Variants in PKP4 observed in about 807,000 individuals in gnomAD.
The protein encoded by PKP4 is plakophilin 4.
PKP4 carries 90 observed loss-of-function variants against 145.1 expected under a neutral mutation model. The ratio of observed to expected loss-of-function variants is 0.62; its 90% CI spans 0.52 to 0.74. PKP4 has a LOEUF of 0.74. PKP4 is among the 30% of genes least tolerant of loss of function. The pLI is 0.00. For synonymous variants in PKP4, 563 were observed against 577.2 expected, an observed-to-expected ratio of 0.98 and a Z score of 0.35; for missense variants, 1,340 against 1,482.7, an observed-to-expected ratio of 0.90 and a Z score of 1.58.
chr2:158,572,138 TAAG>T (rs1436703032), intron 2 of PKP4, among the ~76,000 whole-genome samples: 3 of 151,674 alleles, frequency 2.0e-5, no homozygotes, highest in African/African-American at 7.3e-5. Flanking sequence ...AAAGAACTAA[TAAG>T]AAGTCTCAGA....
At chr2:158,668,168 C>CTTTTT (rs779923239) in intron 16 of PKP4, among the ~76,000 whole-genome samples, 28 of 135,928 alleles carry the variant, frequency 2.1e-4, no homozygotes, top group African/African-American at 7.3e-4. Flanking sequence ...CAGTGATGAG[C>CTTTTT]TTTTTTTTTT....
intron 2 of PKP4, among the ~76,000 whole-genome samples, chr2:158,563,002 C>A (rs984439025): frequency 1.3e-5 from 2 of 152,110 alleles, no homozygotes; most frequent in Non-Finnish European, 2.9e-5. Flanking sequence ...CAAAAAGCAT[C>A]TTTCTAAAGA....
chr2:158,580,954 C>A (rs1046622740), intron 3 of PKP4, among the ~76,000 whole-genome samples: 6 of 152,216 alleles, frequency 3.9e-5, no homozygotes, highest in Admixed American at 2.0e-4. Flanking sequence ...CCCCATGGCC[C>A]TGGCACAGAG....
chr2:158,668,000 G>T (rs142652179), intron 16 of PKP4, among the ~76,000 whole-genome samples: 90 of 152,230 alleles, frequency 5.9e-4, no homozygotes, highest in African/African-American at 2.1e-3. Flanking sequence ...ATTTCACAAC[G>T]CAAAGACACA....
At position 158,678,351 on chromosome 2, in the gene PKP4, A is replaced by G. The variant is rs2356505; in HGVS notation, c.3257-230A>G. On this transcript the variant is annotated intron_variant, in intron 20 of 21. Coordinates refer to ENST00000389759, the MANE Select transcript of PKP4 (RefSeq NM_003628.6). ...GGCATTGCTTTTTGGGGAAACACAC[A>G]CAGCCTGTTTCTGCCATAGTTTTGC... Among the ~76,000 whole-genome samples, 109,075 of 152,166 alleles carry G rather than the reference A, an allele frequency of 0.72. 39,691 individuals are homozygous for G. Among genetic ancestry groups the G allele is most frequent in the South Asian group, 0.84 (4,058 of 4,824 alleles).
At chr2:158,503,434 G>C (rs1696874560) in intron 1 of PKP4, among the ~76,000 whole-genome samples, 1 of 152,170 alleles carries the variant, frequency 6.6e-6, no homozygotes, top group Admixed American at 6.5e-5. Context: ...CTCAAAGCAA[G>C]TCTCATGAAT....
intron 17 of PKP4, among the ~76,000 whole-genome samples, chr2:158,672,729 G>A (rs1026859494): frequency 1.3e-5 from 2 of 152,218 alleles, no homozygotes; most frequent in African/African-American, 4.8e-5. Context: ...ACCTGGCTCT[G>A]CTCACCTAAA....
intron 11 of PKP4, among the ~76,000 whole-genome samples, chr2:158,643,724 A>AAGG (rs775148873): frequency 2.2e-5 from 1 of 44,628 alleles, no homozygotes; most frequent in Non-Finnish European, 6.1e-5. Context: ...AAAAAAAAAA[A>AAGG]AAAAGAAAAG....
At chr2:158,516,531 A>G (rs2041952155) in intron 1 of PKP4, among the ~76,000 whole-genome samples, 1 of 152,238 alleles carries the variant, frequency 6.6e-6, no homozygotes, top group Non-Finnish European at 1.5e-5. Flanking sequence ...GATTGGCCGA[A>G]CAGCCCCGTG....
chr2:158,522,869 CG>C (rs2042529721), intron 1 of PKP4, among the ~76,000 whole-genome samples: 1 of 152,184 alleles, frequency 6.6e-6, no homozygotes, highest in Non-Finnish European at 1.5e-5. Flanking sequence ...AAAGGGGTGA[CG>C]GACGCACCTG....
intron 3 of PKP4, among the ~76,000 whole-genome samples, chr2:158,578,887 C>T (rs1239305295): frequency 1.3e-5 from 2 of 152,090 alleles, no homozygotes; most frequent in African/African-American, 2.4e-5. Flanking sequence ...AAAACCAGAG[C>T]CAGAAGCTTG....
intron 1 of PKP4, among the ~76,000 whole-genome samples, chr2:158,523,311 G>A (rs2042601563): frequency 7.6e-6 from 1 of 130,824 alleles, no homozygotes; most frequent in African/African-American, 3.0e-5. Flanking sequence ...CTCCTCAAGT[G>A]GGTCCCTGAC....
intron 6 of PKP4, among the ~76,000 whole-genome samples, chr2:158,622,131 A>G (rs1358833688): frequency 6.6e-6 from 1 of 152,206 alleles, no homozygotes; most frequent in Non-Finnish European, 1.5e-5. Context: ...CCACACCTGC[A>G]TAAAATGGGA....
Position 158,625,389 on chromosome 2 carries a change from A to T in PKP4, c.1115A>T (p.Tyr372Phe). Residue 372 changes from tyrosine (Y) to phenylalanine (F), a missense_variant, in exon 7 of 22, where the codon TAT (tyrosine) becomes TTT (phenylalanine). By Grantham distance (22) the Tyr-to-Phe change is conservative (BLOSUM62 3). Coordinates refer to ENST00000389759, the MANE Select transcript of PKP4 (RefSeq NM_003628.6). ...TTCGGACAGCAGCAGTATGACATTTATGAGAGGATGGTTCCACCCAGGCCA... is the reference window on the plus strand; with the variant it reads ...TTCGGACAGCAGCAGTATGACATTTTTGAGAGGATGGTTCCACCCAGGCCA... ...EQFGQQQYDI[Y>F]ERMVPPRPDS... 1 of 1,614,046 alleles carries T rather than the reference A, an allele frequency of 6.2e-7. No individual in the cohort carries two copies. Among genetic ancestry groups the T allele is most frequent in the Non-Finnish European group, 8.5e-7 (1 of 1,179,920 alleles).
intron 1 of PKP4, among the ~76,000 whole-genome samples, chr2:158,499,603 A>G (rs749750522): frequency 6.6e-6 from 1 of 152,166 alleles, no homozygotes. Context: ...GGAGGAACAC[A>G]TATTTGTGTG....
At chr2:158,623,639 A>G (rs1172139091) in intron 6 of PKP4, among the ~76,000 whole-genome samples, 2 of 152,134 alleles carry the variant, frequency 1.3e-5, no homozygotes, top group Non-Finnish European at 2.9e-5. Context: ...TCTCACTGCA[A>G]GTGTTTCAGC....
chr2:158,679,786 T>C (rs982053327), intron 21 of PKP4, among the ~76,000 whole-genome samples: 6 of 152,204 alleles, frequency 3.9e-5, no homozygotes, highest in African/African-American at 1.4e-4. Flanking sequence ...TCTAGAACCA[T>C]ATTTGCTCAC....
At chr2:158,474,821 C>T (rs144571613) in intron 1 of PKP4, among the ~76,000 whole-genome samples, 5,658 of 152,224 alleles carry the variant, frequency 0.037, 237 homozygotes, top group African/African-American at 0.11. Flanking sequence ...TTAAAATTAG[C>T]ATCAGGGGAG....
At chr2:158,655,407 C>CAA (rs111670268) in intron 11 of PKP4, among the ~76,000 whole-genome samples, 7 of 150,362 alleles carry the variant, frequency 4.7e-5, no homozygotes, top group South Asian at 2.1e-4. Flanking sequence ...ACAGAAACAA[C>CAA]AAAAAAAAAC....
Sources: allele counts gnomAD v4.1 joint callset (sites outside exome capture counted in the v4.1 genomes callset), GRCh38; gene constraint gnomAD v4.1.1; transcripts MANE v1.5; gene names NCBI Gene and HGNC (gene_info 2026-07-23, HGNC 2026-07-21).